ABHD3: variants seen among roughly 807,000 people sequenced by gnomAD.
ABHD3 encodes the protein phospholipase ABHD3.
In ABHD3, 46 loss-of-function variants were observed where a neutral mutation model predicts 48.8. The observed-to-expected ratio is 0.94, with a 90% CI of 0.74 to 1.20. The LOEUF (loss-of-function observed/expected upper bound fraction) is 1.20. Ranked by LOEUF, ABHD3 falls within the 50% of genes most tolerant of loss-of-function variation. ABHD3 has a pLI of 0.00. For missense variants in ABHD3, 490 were observed against 497.8 expected (o/e 0.98, Z 0.15); for synonymous variants, 192 against 183.7 (o/e 1.04, Z -0.36).
intron 8 of ABHD3, among the ~76,000 whole-genome samples, chr18:21,653,817 G>T (rs1168715375): frequency 2.0e-5 from 3 of 150,174 alleles, no homozygotes; most frequent in African/African-American, 7.3e-5. Flanking sequence ...GACAGCTTGA[G>T]CCCAGGAGTT....
intron 3 of ABHD3, among the ~76,000 whole-genome samples, chr18:21,690,996 C>CAAAAAAAA (rs34425997): frequency 3.2e-5 from 2 of 63,228 alleles, no homozygotes; most frequent in Admixed American, 1.7e-4. Flanking sequence ...GACTCTGTCT[C>CAAAAAAAA]AAAAAAAAAA....
At chr18:21,675,535 G>C (rs1350757120) in intron 4 of ABHD3, among the ~76,000 whole-genome samples, 1 of 151,904 alleles carries the variant, frequency 6.6e-6, no homozygotes, top group Non-Finnish European at 1.5e-5. Context: ...CCAAAGTGCT[G>C]GCGTTACAGG....
chr18:21,689,365 G>A (rs12455374), intron 3 of ABHD3, among the ~76,000 whole-genome samples: 28,763 of 151,420 alleles, frequency 0.19, 3,378 homozygotes, highest in East Asian at 0.44. Context: ...CCTGGCCAAC[G>A]TAGTGAAACA....
At chr18:21,697,939 A>G (rs1311976069) in intron 3 of ABHD3, among the ~76,000 whole-genome samples, 1 of 152,084 alleles carries the variant, frequency 6.6e-6, no homozygotes, top group Non-Finnish European at 1.5e-5. Flanking sequence ...TCACCAGTAA[A>G]TCATTGACAG....
chr18:21,659,078 A>AT, intron 6 of ABHD3, 92 bp downstream of exon 6: 1 of 1,311,062 alleles, frequency 7.6e-7, no homozygotes, highest in Non-Finnish European at 1.0e-6. Flanking sequence ...TGACCTCGTG[A>AT]TCCCCCCGCC....
intron 3 of ABHD3, among the ~76,000 whole-genome samples, chr18:21,688,050 G>A (rs1306921248): frequency 3.9e-5 from 6 of 152,182 alleles, no homozygotes; most frequent in African/African-American, 1.4e-4. Context: ...CCTTGAATCT[G>A]CTCAGGCTTG....
At chr18:21,684,902 G>A (rs1464961134) in intron 3 of ABHD3, among the ~76,000 whole-genome samples, 1 of 152,186 alleles carries the variant, frequency 6.6e-6, no homozygotes, top group Non-Finnish European at 1.5e-5. Context: ...GTTTGCATCT[G>A]CTGGGTAAAT....
chr18:21,665,295 C>T (rs1297544214), intron 4 of ABHD3, among the ~76,000 whole-genome samples: 4 of 151,942 alleles, frequency 2.6e-5, no homozygotes, highest in African/African-American at 9.7e-5. Flanking sequence ...GGCTGGAGTG[C>T]AATGGTATGA....
In ABHD3 at chr18:21,704,575, C is replaced by G. The variant is rs758085219; in HGVS notation, c.91G>C (p.Gly31Arg). 4 of 1,545,410 alleles carry G rather than the reference C, an allele frequency of 2.6e-6. No homozygotes were observed. The highest frequency in any genetic ancestry group is 2.0e-5 in the Admixed American group (1 of 50,152). Residue 31 changes from glycine (G) to arginine (R), a missense_variant, in exon 1 of 9, where the codon GGG becomes CGG. Physicochemically the swap from Gly to Arg is moderately radical, Grantham distance 125 (BLOSUM62 -2). Transcript: ENST00000289119. ...CCCAGGATAAGGGATAAGCCCACCC[C>G]CGAGCCGAAGAACCCCACCCGGACT... ...HQVRVGFFGS[G>R]VGLSLILGFS...
At chr18:21,694,706 C>A (rs1270708799) in intron 3 of ABHD3, among the ~76,000 whole-genome samples, 1 of 152,158 alleles carries the variant, frequency 6.6e-6, no homozygotes. Context: ...TCAAACTCAT[C>A]GAATGGGTGA....
At chr18:21,655,283 AG>A (rs2039318569) in intron 8 of ABHD3, among the ~76,000 whole-genome samples, 2 of 147,090 alleles carry the variant, frequency 1.4e-5, no homozygotes, top group Admixed American at 6.7e-5. Context: ...AGAGAGAAAA[AG>A]TTTTTTTTTT....
In ABHD3 at chr18:21,657,146, T is replaced by G; in HGVS notation, c.849A>C (p.Arg283=). 1 of 1,606,528 alleles carries G rather than the reference T, an allele frequency of 6.2e-7. No homozygotes were observed. The part of the protein sequence containing the change: ...TCLQSSVNKH[R]HMFVKQVDMD... Reference sequence around the variant, plus strand: ...TATCAACTTGTTTTACAAACATATGTCGGTGCCTGGAACAAAAGAATTTCG... The same window carrying G: ...TATCAACTTGTTTTACAAACATATGGCGGTGCCTGGAACAAAAGAATTTCG... The change falls in exon 7 of 9, where the codon CGA becomes CGC. Residue 283 remains arginine, a synonymous_variant. Transcript: ENST00000289119.
chr18:21,669,559 C>CT (rs780345532), intron 4 of ABHD3, among the ~76,000 whole-genome samples: 21 of 152,304 alleles, frequency 1.4e-4, no homozygotes, highest in Non-Finnish European at 2.5e-4. Flanking sequence ...TCCACTGTCA[C>CT]TTTCATCCTC....
At chr18:21,694,108 A>AT (rs1208076534) in intron 3 of ABHD3, among the ~76,000 whole-genome samples, 2 of 150,948 alleles carry the variant, frequency 1.3e-5, no homozygotes, top group African/African-American at 5.0e-5. Flanking sequence ...TTTTTTTAAA[A>AT]TTTATTTTTA....
In ABHD3 at chr18:21,653,052, C is replaced by CA. The variant is rs745321830; in HGVS notation, c.1058-1290dup. Among the ~76,000 whole-genome samples the CA allele has an allele frequency of 9.6e-3, 47 of 4,876 alleles. 2 individuals carry two copies. The highest frequency in any genetic ancestry group is 0.012 in the Non-Finnish European group (35 of 2,892). 3.2% of individuals were successfully genotyped at this position (4,876 alleles called of 152,430 possible). ...TGGGCGACAGAGCAAGACTCCATCT[C>CA]AAAAAAAAAAAAAAAAAAAAAAAAA... On this transcript the variant is annotated intron_variant, in intron 8 of 8. Coordinates refer to ENST00000289119, the MANE Select transcript of ABHD3 (RefSeq NM_138340.5).
At chr18:21,701,640 T>G (rs2040515607) in intron 3 of ABHD3, 1 of 151,636 alleles carries the variant, frequency 6.6e-6, no homozygotes, top group African/African-American at 2.4e-5. Context: ...AAAAAAAAGC[T>G]GAGGCACAAA....
intron 4 of ABHD3, among the ~76,000 whole-genome samples, chr18:21,673,289 G>T (rs1309780239): frequency 6.6e-6 from 1 of 152,098 alleles, no homozygotes; most frequent in East Asian, 1.9e-4. Flanking sequence ...TGGGGGATGG[G>T]GTTCAGGGAT....
chr18:21,657,033 C>T lies in ABHD3; in HGVS notation c.892-7G>A, dbSNP rs1568135931. On this transcript the variant is annotated splice_region_variant and splice_polypyrimidine_tract_variant and intron_variant, in intron 7 of 8. Transcript: ENST00000289119. ...ACTCTCTGATGGATTTAGCCTGAAA[C>T]ACAAAAACAAATTATATCTAGTCTT... is the stretch of plus-strand genomic sequence containing the variant. 9 of 1,613,946 alleles carry T rather than the reference C, an allele frequency of 5.6e-6. No individual in the cohort carries two copies. The highest frequency in any genetic ancestry group is 7.6e-6 in the Non-Finnish European group (9 of 1,179,976).
intron 2 of ABHD3, 31 bp from the exon 3 acceptor site, chr18:21,702,529 T>C (rs921483731): frequency 6.8e-6 from 10 of 1,476,252 alleles, no homozygotes; most frequent in Middle Eastern, 1.8e-4. Flanking sequence ...GACATTACTA[T>C]TTACATGTTT....
Sources: gnomAD v4.1 joint callset for allele counts (sites outside exome capture counted in the v4.1 genomes callset) on GRCh38, gnomAD v4.1.1 for gene constraint, MANE v1.5 for transcripts, NCBI Gene and HGNC (gene_info 2026-07-23, HGNC 2026-07-21) for gene names.